CD46: variants seen among roughly 807,000 people sequenced by gnomAD.
CD46 encodes membrane cofactor protein.
CD46 carries 30 observed loss-of-function variants against 53.3 expected under a neutral mutation model. That is an observed-to-expected ratio of 0.56 (90% CI 0.42 to 0.76). CD46 has a LOEUF of 0.76. Ranked by LOEUF, CD46 falls within the 30% of genes least tolerant of loss-of-function variation. The probability of loss-of-function intolerance (pLI) is 0.00; values close to 1 mark genes in which losing one functional copy is unlikely to be tolerated. For missense variants in CD46, 409 were observed against 463.0 expected (o/e 0.88, Z 1.07); for synonymous variants, 142 against 152.0 (o/e 0.93, Z 0.48).
At position 207,766,994 on chromosome 1, in the gene CD46, G is replaced by A; in HGVS notation, c.674-19G>A. 1.2e-6 allele frequency: 2 copies of A among 1,604,232 alleles called. No individual in the cohort carries two copies. Among genetic ancestry groups the A allele is most frequent in the Non-Finnish European group, 1.7e-6 (2 of 1,171,390 alleles). The stretch of plus-strand genomic sequence containing the variant: ...TAAAGCAGATATCCATTAATTCTGA[G>A]GTTTCTCTAATTTTCCAGTGGTCAA... On this transcript the variant is annotated intron_variant, in intron 5 of 12. Coordinates refer to ENST00000367042, the MANE Select transcript of CD46 (RefSeq NM_172351.3).
chr1:207,759,533 CA>C (rs1655948940), intron 3 of CD46, 105 bp from the exon 4 acceptor site: 1 of 671,316 alleles, frequency 1.5e-6, no homozygotes, highest in Admixed American at 2.7e-5. Context: ...ACCACCCCCT[CA>C]AACTACTGTA....
At chr1:207,783,243 T>G in intron 8 of CD46, 49 bp from the exon 9 acceptor site, 1 of 1,025,832 alleles carries the variant, frequency 9.7e-7, no homozygotes, top group Non-Finnish European at 1.5e-6. Flanking sequence ...TTATATTTAA[T>G]TCTTTCCTTC....
At chr1:207,765,668 A>T (rs1656760446) in intron 5 of CD46, among the ~76,000 whole-genome samples, 2 of 152,312 alleles carry the variant, frequency 1.3e-5, no homozygotes, top group South Asian at 4.1e-4. Context: ...CCCCAAACTG[A>T]CAATACCAGG....
At chr1:207,761,478 G>T in intron 5 of CD46, 32 bp downstream of exon 5, 1 of 1,551,562 alleles carries the variant, frequency 6.4e-7, no homozygotes, top group Non-Finnish European at 8.9e-7. Flanking sequence ...TTCTTCATTT[G>T]TAAATACTAT....
At position 207,761,323 on chromosome 1, in the gene CD46, C is replaced by T. The variant is rs1558049819; in HGVS notation, c.550C>T (p.Leu184Phe). The change falls in exon 5 of 13, where the codon CTT becomes TTT. Residue 184 changes from leucine to phenylalanine, a missense_variant. By Grantham distance (22) the Leu-to-Phe change is conservative. Coordinates refer to ENST00000367042, the MANE Select transcript of CD46 (RefSeq NM_172351.3). The part of the protein sequence containing the change: ...TFSEVEVFEY[L>F]DAVTYSCDPA... Reference sequence around the variant, plus strand: ...TAGTGAAGTAGAAGTATTTGAGTATCTTGATGCAGTAACTTATAGTTGTGA... The same window carrying T: ...TAGTGAAGTAGAAGTATTTGAGTATTTTGATGCAGTAACTTATAGTTGTGA... The T allele has an allele frequency of 6.2e-7, 1 of 1,613,130 alleles. No homozygotes were observed. Among genetic ancestry groups the T allele is most frequent in the Non-Finnish European group, 8.5e-7 (1 of 1,179,096 alleles).
chr1:207,777,745 A>C (rs1314282935), intron 8 of CD46, among the ~76,000 whole-genome samples: 2 of 152,102 alleles, frequency 1.3e-5, no homozygotes, highest in African/African-American at 4.8e-5. Flanking sequence ...GCTGCAGTGA[A>C]CATTCATGTG....
In CD46 at chr1:207,759,733, ATTC is replaced by A. The variant is rs769892102; in HGVS notation, c.475+12_475+14del. ...GCCCCCAATATGTGAAAGTAAGTAA[ATTC>A]TTTTTTTTTAAATTTAGACCAGTAG... On this transcript the variant is annotated intron_variant, in intron 4 of 12. Coordinates refer to ENST00000367042, the MANE Select transcript of CD46 (RefSeq NM_172351.3). The A allele has an allele frequency of 2.1e-4, 329 of 1,571,972 alleles. No homozygotes were observed. Among genetic ancestry groups the A allele is most frequent in the Non-Finnish European group, 2.8e-4 (315 of 1,142,666 alleles).
At chr1:207,792,580 G>T (rs1417576600) in intron 12 of CD46, among the ~76,000 whole-genome samples, 1 of 152,218 alleles carries the variant, frequency 6.6e-6, no homozygotes, top group Non-Finnish European at 1.5e-5. Context: ...GCATAAATGG[G>T]TTATTAAAGT....
chr1:207,792,631 A>T (rs1273277126), intron 12 of CD46, among the ~76,000 whole-genome samples: 3 of 152,198 alleles, frequency 2.0e-5, no homozygotes, highest in Non-Finnish European at 2.9e-5. Flanking sequence ...TGGAAAGGCA[A>T]TGTGTTTGCT....
chr1:207,759,713 C>T lies in CD46; in HGVS notation c.464C>T (p.Pro155Leu). 1 of 1,600,172 alleles carries T rather than the reference C, an allele frequency of 6.2e-7. No homozygotes were observed. Among genetic ancestry groups the T allele is most frequent in the Non-Finnish European group, 8.6e-7 (1 of 1,167,904 alleles). ...GTAGCAATTTGGAGCGGTAAGCCCC[C>T]AATATGTGAAAGTAAGTAAATTCTT... ...GSVAIWSGKP[P>L]ICEKVLCTPP... Residue 155 changes from proline (P) to leucine (L), a missense_variant, in exon 4 of 13, where the codon CCA becomes CTA. Physicochemically the swap from Pro to Leu is moderately conservative, Grantham distance 98 (BLOSUM62 -3). Transcript: ENST00000367042.
At position 207,767,810 on chromosome 1, in the gene CD46, G is replaced by A. The variant is rs141930331; in HGVS notation, c.888G>A (p.Ala296=). The A allele has an allele frequency of 6.0e-5, 96 of 1,610,706 alleles. No individual in the cohort carries two copies. Among genetic ancestry groups the A allele is most frequent in the Middle Eastern group, 4.9e-4 (3 of 6,076 alleles). The change falls in exon 7 of 13, where the codon GCG becomes GCA. Residue 296 remains alanine (A), a synonymous_variant. Transcript: ENST00000367042. The part of the protein sequence containing the change: ...VSTSSTTKSP[A]SSASGPRPTY... Reference sequence around the variant, plus strand: ...CTTCTTCCACTACAAAATCTCCAGCGTCCAGTGCCTCAGGTTTAGTAATTT... The same window carrying A: ...CTTCTTCCACTACAAAATCTCCAGCATCCAGTGCCTCAGGTTTAGTAATTT...
chr1:207,792,864 A>C (rs952065781), intron 12 of CD46, among the ~76,000 whole-genome samples: 21 of 152,222 alleles, frequency 1.4e-4, no homozygotes, highest in Admixed American at 4.6e-4. Flanking sequence ...TGTAAAATAC[A>C]TCTCAATATT....
intron 8 of CD46, among the ~76,000 whole-genome samples, chr1:207,778,277 CTCT>C (rs1444831270): frequency 6.6e-6 from 1 of 152,152 alleles, no homozygotes; most frequent in African/African-American, 2.4e-5. Context: ...TGTGCAGAAG[CTCT>C]TCAATTTACT....
intron 8 of CD46, among the ~76,000 whole-genome samples, chr1:207,779,913 C>CTTTTTTTTTTTTTT (rs66758503): frequency 0.06 from 3,739 of 61,910 alleles, 772 homozygotes; most frequent in East Asian, 0.16. Context: ...AAAAGCAAGT[C>CTTTTTTTTTTTTTT]TTTTTTTTTT....
At position 207,775,227 on chromosome 1, in the gene CD46, C is replaced by T. The variant is rs552873527; in HGVS notation, c.943+4865C>T. 3.3e-5 allele frequency among the ~76,000 whole-genome samples: 5 copies of T among 152,256 alleles called. No individual in the cohort carries two copies. The South Asian group carries it at 1.0e-3, about 32-fold the overall frequency. On this transcript the variant is annotated intron_variant, in intron 8 of 12. Coordinates refer to ENST00000367042, the MANE Select transcript of CD46 (RefSeq NM_172351.3). ...GTTCTTGTGCCGTGGTTTTCAGCTC[C>T]ATCATGTCATTTAAGGTCTTCTCTA... is the stretch of plus-strand genomic sequence containing the variant.
At chr1:207,780,723 TATTAA>T (rs1194621417) in intron 8 of CD46, among the ~76,000 whole-genome samples, 3 of 152,122 alleles carry the variant, frequency 2.0e-5, no homozygotes, top group Admixed American at 1.3e-4. Flanking sequence ...CACCAACACT[TATTAA>T]ATTGTTTTTT....
At chr1:207,790,916 C>T (rs528046204) in intron 12 of CD46, among the ~76,000 whole-genome samples, 13 of 152,178 alleles carry the variant, frequency 8.5e-5, no homozygotes, top group Non-Finnish European at 1.3e-4. Flanking sequence ...TGTCTTTGAA[C>T]TGAACTGGAA....
intron 8 of CD46, among the ~76,000 whole-genome samples, chr1:207,778,751 AT>A (rs1658399363): frequency 6.6e-6 from 1 of 151,914 alleles, no homozygotes; most frequent in Non-Finnish European, 1.5e-5. Flanking sequence ...TTTGCGTAAG[AT>A]TTTCTTGACT....
chr1:207,752,333 G>T lies in CD46; in HGVS notation c.97+24G>T. ...CGGTAGGACCCCGGGGCGGGTTCGC[G>T]CGTCCGCGGCGAGACTAGAGCTCTC... On this transcript the variant is annotated intron_variant, in intron 1 of 12. Transcript: ENST00000367042. The surrounding 1 kb of genome is among the most constrained non-coding windows in gnomAD (Gnocchi z 4.1). 1 of 1,603,440 alleles carries T rather than the reference G, an allele frequency of 6.2e-7. No homozygotes were observed.
Sources: gnomAD v4.1 joint callset for allele counts (sites outside exome capture counted in the v4.1 genomes callset) on GRCh38, gnomAD v4.1.1 for gene constraint, Gnocchi (gnomAD v3.1) non-coding constraint, MANE v1.5 for transcripts, NCBI Gene and HGNC (gene_info 2026-07-23, HGNC 2026-07-21) for gene names.